GRIN3A: variants seen among roughly 807,000 people sequenced by gnomAD.
GRIN3A encodes glutamate receptor ionotropic, NMDA 3A.
Under a neutral mutation model 92.4 loss-of-function variants are expected in GRIN3A, and 47 were observed. That is an observed-to-expected ratio of 0.51 (90% CI 0.40 to 0.65). The LOEUF (loss-of-function observed/expected upper bound fraction) is 0.65, where lower values mean the gene tolerates loss of function less well. GRIN3A is among the 30% of genes least tolerant of loss of function. The pLI is 0.00. For synonymous variants in GRIN3A, 527 were observed against 540.6 expected, an observed-to-expected ratio of 0.97 and a Z score of 0.35; for missense variants, 1,324 against 1,393.1, an observed-to-expected ratio of 0.95 and a Z score of 0.79.
intron 2 of GRIN3A, among the ~76,000 whole-genome samples, chr9:101,679,238 C>A (rs117555361): frequency 2.0e-5 from 3 of 152,198 alleles, no homozygotes; most frequent in Non-Finnish European, 4.4e-5. Context: ...TAGTTTCATA[C>A]TTTTTGGCAG....
intron 3 of GRIN3A, among the ~76,000 whole-genome samples, chr9:101,653,763 ATCTT>A (rs1436991006): frequency 1.3e-5 from 2 of 151,778 alleles, no homozygotes; most frequent in Non-Finnish European, 2.9e-5. Context: ...CTGAAACATA[ATCTT>A]TCTTGTATCT....
At chr9:101,715,685 C>A (rs1044887776) in intron 1 of GRIN3A, among the ~76,000 whole-genome samples, 10 of 152,002 alleles carry the variant, frequency 6.6e-5, no homozygotes, top group Non-Finnish European at 1.0e-4. Flanking sequence ...TGAAAGTGAG[C>A]AAGTAGAAAA....
Position 101,670,593 on chromosome 9 carries a change from C to T in GRIN3A, c.1819G>A (p.Ala607Thr), listed in dbSNP as rs1829304050. The T allele has an allele frequency of 6.2e-7, 1 of 1,614,006 alleles. No homozygotes were observed. Among genetic ancestry groups the T allele is most frequent in the Non-Finnish European group, 8.5e-7 (1 of 1,179,964 alleles). The change falls in exon 3 of 9, where the codon GCA becomes ACA. Residue 607 changes from alanine (A) to threonine (T), a missense_variant. Transcript: ENST00000361820. The stretch of plus-strand genomic sequence containing the variant: ...CCAGTCCAGTGCCCATTTTTCCATG[C>T]TCCATACTTTCCATCCCCTACAATA... ...LYIVGDGKYG[A>T]WKNGHWTGLV...
intron 3 of GRIN3A, among the ~76,000 whole-genome samples, chr9:101,645,510 G>C (rs1441838929): frequency 6.6e-6 from 1 of 151,620 alleles, no homozygotes; most frequent in African/African-American, 2.4e-5. Context: ...TATATACCCA[G>C]CAGTGGGATT....
At chr9:101,588,259 A>C (rs1827973548) in intron 6 of GRIN3A, among the ~76,000 whole-genome samples, 1 of 152,262 alleles carries the variant, frequency 6.6e-6, no homozygotes, top group African/African-American at 2.4e-5. Flanking sequence ...GTGAAAGATC[A>C]CACTTAACAA....
At chr9:101,663,210 CCTT>C (rs992631107) in intron 3 of GRIN3A, among the ~76,000 whole-genome samples, 1 of 151,898 alleles carries the variant, frequency 6.6e-6, no homozygotes, top group African/African-American at 2.4e-5. Flanking sequence ...CTTAGACAGA[CCTT>C]CTTTCCCCAT....
chr9:101,724,835 C>G (rs543640075), intron 1 of GRIN3A, among the ~76,000 whole-genome samples: 22 of 152,352 alleles, frequency 1.4e-4, no homozygotes, highest in Admixed American at 5.2e-4. Flanking sequence ...AATTAAATCT[C>G]CTTTTCTTCC....
At chr9:101,592,754 C>CTTTTTTTTTTTTTTTTTT in intron 6 of GRIN3A, 1 of 143,180 alleles carries the variant, frequency 7.0e-6, no homozygotes, top group Non-Finnish European at 1.5e-5. Flanking sequence ...AATTTGTGGA[C>CTTTTTTTTTTTTTTTTTT]TTTTTTTTTT....
chr9:101,668,166 A>T (rs1484764055), intron 3 of GRIN3A, among the ~76,000 whole-genome samples: 1 of 152,072 alleles, frequency 6.6e-6, no homozygotes, highest in Non-Finnish European at 1.5e-5. Flanking sequence ...CTTAAAAATA[A>T]TTTCACTGCT....
At chr9:101,627,698 C>G (rs1828652976) in intron 4 of GRIN3A, among the ~76,000 whole-genome samples, 1 of 152,184 alleles carries the variant, frequency 6.6e-6, no homozygotes, top group Non-Finnish European at 1.5e-5. Flanking sequence ...CTCTGATAAT[C>G]TGCCATGGCA....
At chr9:101,657,763 ACTT>A (rs1829108730) in intron 3 of GRIN3A, among the ~76,000 whole-genome samples, 2 of 134,596 alleles carry the variant, frequency 1.5e-5, no homozygotes, top group South Asian at 2.3e-4. Flanking sequence ...CAGATAAGCA[ACTT>A]CTTCTTTTTA....
At chr9:101,703,441 AGC>A (rs1829777606) in intron 1 of GRIN3A, among the ~76,000 whole-genome samples, 1 of 152,178 alleles carries the variant, frequency 6.6e-6, no homozygotes. Context: ...ATCTCCTCAC[AGC>A]ACCACCCACC....
chr9:101,598,670 C>A (rs548318814), intron 6 of GRIN3A, among the ~76,000 whole-genome samples: 2 of 151,958 alleles, frequency 1.3e-5, no homozygotes, highest in African/African-American at 4.8e-5. Flanking sequence ...TGTTACTTAC[C>A]CTACTAGTAG....
intron 3 of GRIN3A, among the ~76,000 whole-genome samples, chr9:101,628,750 A>C (rs2118879387): frequency 6.6e-6 from 1 of 152,352 alleles, no homozygotes; most frequent in Middle Eastern, 3.4e-3. Flanking sequence ...TTCATAATAA[A>C]GATTATGATA....
Position 101,579,119 on chromosome 9 carries a change from C to T in GRIN3A, c.2931+77G>A, listed in dbSNP as rs1432291634. 8.8e-6 allele frequency: 13 copies of T among 1,469,624 alleles called. No individual in the cohort carries two copies. The African/African-American group carries it at 1.4e-4, about 16-fold the overall frequency. 91.0% of individuals were successfully genotyped at this position (1,469,624 alleles called of 1,614,324 possible). On this transcript the variant is annotated intron_variant, in intron 7 of 8. Transcript: ENST00000361820. ...GTGGTAACATAACTTAGTAGTCTGA[C>T]ATAGGGCTCTGGATCCTCCCATCCC...
chr9:101,656,399 A>G (rs1402409613), intron 3 of GRIN3A, among the ~76,000 whole-genome samples: 1 of 151,944 alleles, frequency 6.6e-6, no homozygotes, highest in Non-Finnish European at 1.5e-5. Flanking sequence ...ACAGTATGGA[A>G]GTCAATGGAA....
At chr9:101,677,818 A>G (rs189408348) in intron 2 of GRIN3A, among the ~76,000 whole-genome samples, 302 of 152,272 alleles carry the variant, frequency 2.0e-3, no homozygotes, top group African/African-American at 6.6e-3. Context: ...CAAATTAAAC[A>G]TTAAATGTGC....
At chr9:101,577,667 C>T (rs1451061755) in intron 8 of GRIN3A, 101 bp downstream of exon 8, 7 of 900,746 alleles carry the variant, frequency 7.8e-6, no homozygotes, top group Non-Finnish European at 1.3e-5. Flanking sequence ...TATACTGATT[C>T]TTTTGATAAA....
At chr9:101,665,740 TA>T (rs916716384) in intron 3 of GRIN3A, among the ~76,000 whole-genome samples, 3 of 151,898 alleles carry the variant, frequency 2.0e-5, no homozygotes, top group Non-Finnish European at 1.5e-5. Context: ...TCTCCCTGAT[TA>T]AAATTAAAAT....
Sources: gnomAD v4.1 joint callset for allele counts (sites outside exome capture counted in the v4.1 genomes callset) on GRCh38, gnomAD v4.1.1 for gene constraint, MANE v1.5 for transcripts, NCBI Gene and HGNC (gene_info 2026-07-23, HGNC 2026-07-21) for gene names.